LRRC4C: variants seen among roughly 807,000 people sequenced by gnomAD.
The protein encoded by LRRC4C is leucine-rich repeat-containing protein 4C.
A neutral mutation model predicts 33.6 loss-of-function variants in LRRC4C; 5 were observed. The observed-to-expected ratio is 0.15, with a 90% CI of 0.08 to 0.31. LRRC4C has a LOEUF of 0.31. LRRC4C is among the 10% of genes least tolerant of loss of function. LRRC4C has a pLI of 1.00. For missense variants in LRRC4C, 560 were observed against 796.7 expected (o/e 0.70, Z 3.58); for synonymous variants, 329 against 302.0 (o/e 1.09, Z -0.93).
intron 3 of LRRC4C, among the ~76,000 whole-genome samples, chr11:40,449,416 T>A (rs1409095319): frequency 6.6e-6 from 1 of 151,988 alleles, no homozygotes; most frequent in Admixed American, 6.6e-5. Context: ...AGAAGGCATG[T>A]CCCTTTTAGG....
intron 1 of LRRC4C, among the ~76,000 whole-genome samples, chr11:41,023,421 G>T (rs1247867870): frequency 6.6e-6 from 1 of 151,634 alleles, no homozygotes; most frequent in Non-Finnish European, 1.5e-5. Context: ...CATGGTAAAA[G>T]AATTAAATGG....
chr11:40,182,281 C>G (rs1380585505), intron 5 of LRRC4C, among the ~76,000 whole-genome samples: 2 of 152,100 alleles, frequency 1.3e-5, no homozygotes, highest in Non-Finnish European at 2.9e-5. Flanking sequence ...GTGTCTTTCT[C>G]TCCTCCCCAC....
intron 1 of LRRC4C, among the ~76,000 whole-genome samples, chr11:41,439,397 G>A (rs370403813): frequency 5.6e-4 from 85 of 152,174 alleles, no homozygotes; most frequent in African/African-American, 2.0e-3. Context: ...ATTTAATAGT[G>A]GACTTGCTGG....
chr11:41,278,738 C>G (rs1432048135), intron 1 of LRRC4C, among the ~76,000 whole-genome samples: 1 of 152,208 alleles, frequency 6.6e-6, no homozygotes, highest in African/African-American at 2.4e-5. Context: ...CCCAGATTCT[C>G]TTACCAACAG....
intron 4 of LRRC4C, among the ~76,000 whole-genome samples, chr11:40,246,448 T>C (rs2136138188): frequency 6.6e-6 from 1 of 152,338 alleles, no homozygotes. Flanking sequence ...TGGAAAATGA[T>C]AACATGGCAT....
intron 1 of LRRC4C, among the ~76,000 whole-genome samples, chr11:41,443,294 G>C (rs1224272452): frequency 6.6e-6 from 1 of 152,084 alleles, no homozygotes; most frequent in African/African-American, 2.4e-5. Context: ...GATCACTTGA[G>C]CTCAGGAGTT....
At chr11:41,409,451 G>A (rs559413878) in intron 1 of LRRC4C, among the ~76,000 whole-genome samples, 6 of 152,240 alleles carry the variant, frequency 3.9e-5, no homozygotes, top group African/African-American at 9.6e-5. Context: ...AATTTTGCTC[G>A]CATTATTTTA....
At chr11:40,435,384 AC>A (rs1365784452) in intron 3 of LRRC4C, among the ~76,000 whole-genome samples, 1 of 152,188 alleles carries the variant, frequency 6.6e-6, no homozygotes, top group Non-Finnish European at 1.5e-5. Flanking sequence ...GACAGGTAAA[AC>A]TTTTTGAATT....
intron 2 of LRRC4C, among the ~76,000 whole-genome samples, chr11:40,864,357 C>A (rs765182496): frequency 1.8e-4 from 28 of 152,136 alleles, no homozygotes; most frequent in Non-Finnish European, 2.5e-4. Flanking sequence ...GTGTGAGCTA[C>A]CATGCCCAGC....
intron 1 of LRRC4C, among the ~76,000 whole-genome samples, chr11:40,989,829 C>T (rs1299548237): frequency 6.6e-6 from 1 of 151,658 alleles, no homozygotes; most frequent in Non-Finnish European, 1.5e-5. Context: ...CCTTGCCTTC[C>T]CATCCACAGA....
At chr11:40,372,102 T>G (rs1238209519) in intron 3 of LRRC4C, among the ~76,000 whole-genome samples, 1 of 152,202 alleles carries the variant, frequency 6.6e-6, no homozygotes, top group African/African-American at 2.4e-5. Context: ...CAGCCTGGAC[T>G]AAGTAAAAAT....
At chr11:41,262,707 A>T (rs1007685396) in intron 1 of LRRC4C, among the ~76,000 whole-genome samples, 1 of 152,082 alleles carries the variant, frequency 6.6e-6, no homozygotes, top group African/African-American at 2.4e-5. Flanking sequence ...TATTTGGTTC[A>T]AAATATACAT....
At chr11:40,304,213 T>C (rs182314392) in intron 4 of LRRC4C, among the ~76,000 whole-genome samples, 3 of 152,286 alleles carry the variant, frequency 2.0e-5, no homozygotes, top group African/African-American at 7.2e-5. Context: ...TAGCTCTTTT[T>C]CCTTAAGGTG....
chr11:40,511,807 G>A (rs916468258), intron 3 of LRRC4C, among the ~76,000 whole-genome samples: 2 of 152,046 alleles, frequency 1.3e-5, no homozygotes, highest in Admixed American at 6.6e-5. Context: ...TGGGAGAGTG[G>A]GCTATATTTT....
chr11:41,441,095 C>T (rs975964000), intron 1 of LRRC4C, among the ~76,000 whole-genome samples: 4 of 152,132 alleles, frequency 2.6e-5, no homozygotes, highest in South Asian at 4.1e-4. Flanking sequence ...ATTTAATATG[C>T]ATGACTAAAG....
intron 3 of LRRC4C, among the ~76,000 whole-genome samples, chr11:40,382,532 T>G (rs1948923328): frequency 6.6e-6 from 1 of 151,856 alleles, no homozygotes; most frequent in Admixed American, 6.6e-5. Flanking sequence ...CTTTATTTAT[T>G]ATTATTTTAT....
At chr11:40,117,841 G>A (rs1431775212) in intron 6 of LRRC4C, among the ~76,000 whole-genome samples, 2 of 151,888 alleles carry the variant, frequency 1.3e-5, no homozygotes, top group African/African-American at 4.8e-5. Context: ...TGCAAAATGG[G>A]AATGAAGATA....
chr11:40,709,870 G>C (rs1323203842), intron 2 of LRRC4C, among the ~76,000 whole-genome samples: 4 of 151,990 alleles, frequency 2.6e-5, no homozygotes, highest in Non-Finnish European at 5.9e-5. Context: ...CATATTTCTT[G>C]GAGGCTTTGT....
In LRRC4C at chr11:40,995,871, T is replaced by G. The variant is rs1397459735; in HGVS notation, c.-495-62148A>C. Among the ~76,000 whole-genome samples the G allele has an allele frequency of 2.0e-5, 3 of 152,134 alleles. No homozygotes were observed. The South Asian group carries it at 6.2e-4, about 31-fold the overall frequency. On this transcript the variant is annotated intron_variant, in intron 1 of 6. Coordinates refer to ENST00000528697, the MANE Select transcript of LRRC4C (RefSeq NM_001258419.2). The stretch of plus-strand genomic sequence containing the variant: ...CTCCAAATTCATTTTTTAGTAACCT[T>G]TGTTTATCCCTGCTATGATTTGTAC...
Sources: gnomAD v4.1 joint callset for allele counts (sites outside exome capture counted in the v4.1 genomes callset) on GRCh38, gnomAD v4.1.1 for gene constraint, MANE v1.5 for transcripts, NCBI Gene and HGNC (gene_info 2026-07-23, HGNC 2026-07-21) for gene names.